The following TMEM177 variants were observed in gnomAD, a reference collection of about 807,000 sequenced individuals.
TMEM177 encodes the protein transmembrane protein 177.
A neutral mutation model predicts 14.2 loss-of-function variants in TMEM177; 4 were observed. The observed-to-expected ratio is 0.28, with a 90% CI of 0.14 to 0.64. The LOEUF (loss-of-function observed/expected upper bound fraction) is 0.64. TMEM177 is among the 30% of genes least tolerant of loss of function. The pLI is 0.82. For synonymous variants in TMEM177, 179 were observed against 174.5 expected (o/e 1.03, Z -0.20); for missense variants, 344 against 405.2 (o/e 0.85, Z 1.30).
At chr2:119,696,393 G>T in the TMEM177 span, among the ~76,000 whole-genome samples, 1 of 152,136 alleles carries the variant, frequency 6.6e-6, no homozygotes. Context: ...CGGTGTGGGG[G>T]CAGTGCTTCA....
chr2:119,693,433 G>A, the TMEM177 span, among the ~76,000 whole-genome samples: 1 of 152,226 alleles, frequency 6.6e-6, no homozygotes, highest in South Asian at 2.1e-4. Context: ...TCCTCCGAGA[G>A]GAAGATGCGG....
At chr2:119,694,656 A>G in the TMEM177 span, among the ~76,000 whole-genome samples, 2 of 152,342 alleles carry the variant, frequency 1.3e-5, no homozygotes, top group African/African-American at 4.8e-5. Flanking sequence ...TCATATGCGC[A>G]GGGTCACTTC....
At chr2:119,680,782 C>T in intron 1 of TMEM177, 50 bp from the exon 2 acceptor site, 2 of 1,464,662 alleles carry the variant, frequency 1.4e-6, no homozygotes, top group Non-Finnish European at 1.9e-6. Flanking sequence ...GATGTTCAGT[C>T]TGCAGGCTGA....
At chr2:119,711,216 GT>G in the TMEM177 span, among the ~76,000 whole-genome samples, 2 of 152,110 alleles carry the variant, frequency 1.3e-5, no homozygotes, top group Non-Finnish European at 2.9e-5. Context: ...GACCATAGGG[GT>G]TTTTTAATAC....
the TMEM177 span, among the ~76,000 whole-genome samples, chr2:119,701,488 G>A: frequency 1.3e-5 from 2 of 152,104 alleles, no homozygotes; most frequent in African/African-American, 2.4e-5. Flanking sequence ...CTAGGGGGTC[G>A]GGGGAGCCCA....
At chr2:119,722,159 T>C in the TMEM177 span, among the ~76,000 whole-genome samples, 2 of 152,092 alleles carry the variant, frequency 1.3e-5, no homozygotes, top group Non-Finnish European at 2.9e-5. Context: ...GTTGGGAGGA[T>C]TGTTTCAGGC....
At chr2:119,706,089 A>G in the TMEM177 span, among the ~76,000 whole-genome samples, 1 of 150,330 alleles carries the variant, frequency 6.7e-6, no homozygotes, top group East Asian at 1.9e-4. Flanking sequence ...CAGTGGCGCA[A>G]TCTTGCTCAG....
At chr2:119,701,230 T>A in the TMEM177 span, among the ~76,000 whole-genome samples, 1 of 152,264 alleles carries the variant, frequency 6.6e-6, no homozygotes, top group African/African-American at 2.4e-5. Context: ...TCCTGGCTTT[T>A]GTTTTCCAAG....
chr2:119,683,290 C>G (rs1377191526), downstream of TMEM177, among the ~76,000 whole-genome samples: 1 of 152,202 alleles, frequency 6.6e-6, no homozygotes, highest in Non-Finnish European at 1.5e-5. Flanking sequence ...TCCCCAGGCC[C>G]TGGTACCTAG....
At chr2:119,712,756 A>G in the TMEM177 span, among the ~76,000 whole-genome samples, 4 of 152,212 alleles carry the variant, frequency 2.6e-5, no homozygotes, top group African/African-American at 9.6e-5. Context: ...ATGCACCAGC[A>G]ATTCTAAACA....
At chr2:119,686,796 G>T (rs965644450), downstream of TMEM177, among the ~76,000 whole-genome samples, 1 of 149,892 alleles carries the variant, frequency 6.7e-6, no homozygotes, top group African/African-American at 2.5e-5. Context: ...TTGAACTTCT[G>T]TTCTCAAGAG....
chr2:119,683,316 G>A (rs945175736), downstream of TMEM177, among the ~76,000 whole-genome samples: 12 of 152,184 alleles, frequency 7.9e-5, no homozygotes, highest in African/African-American at 1.9e-4. Flanking sequence ...CACTGGGCAC[G>A]GGCTTGGAAT....
At chr2:119,695,808 G>T in the TMEM177 span, among the ~76,000 whole-genome samples, 2 of 152,234 alleles carry the variant, frequency 1.3e-5, no homozygotes, top group African/African-American at 4.8e-5. Flanking sequence ...TTACAGAGTT[G>T]ATGTGGTGTA....
chr2:119,682,518 G>A (rs776865908), downstream of TMEM177, among the ~76,000 whole-genome samples: 2 of 152,130 alleles, frequency 1.3e-5, no homozygotes, highest in Non-Finnish European at 2.9e-5. Flanking sequence ...CCTTAAGAGT[G>A]TTGTGTCAGT....
At chr2:119,706,021 T>TATATATTATATATTTTTA in the TMEM177 span, among the ~76,000 whole-genome samples, 3 of 71,984 alleles carry the variant, frequency 4.2e-5, no homozygotes, top group Non-Finnish European at 9.7e-5. Flanking sequence ...TTATATATAT[T>TATATATTATATATTTTTA]TATATATATA....
chr2:119,682,294 G>C (rs1688928869), downstream of TMEM177, among the ~76,000 whole-genome samples: 1 of 152,016 alleles, frequency 6.6e-6, no homozygotes, highest in Admixed American at 6.6e-5. Flanking sequence ...CCTCCTTCTT[G>C]GTCTTGAGTG....
chr2:119,714,719 G>A, the TMEM177 span, among the ~76,000 whole-genome samples: 3 of 152,234 alleles, frequency 2.0e-5, no homozygotes, highest in Admixed American at 6.5e-5. Context: ...TGTGCTGGGG[G>A]TCACTGCAAG....
chr2:119,718,796 A>T, the TMEM177 span, among the ~76,000 whole-genome samples: 6,895 of 152,254 alleles, frequency 0.045, 528 homozygotes, highest in African/African-American at 0.15. Flanking sequence ...ACCCTGTAAC[A>T]GGCTTTCGAG....
downstream of TMEM177, among the ~76,000 whole-genome samples, chr2:119,690,276 G>A (rs534607430): frequency 2.0e-5 from 3 of 152,090 alleles, no homozygotes; most frequent in African/African-American, 4.8e-5. Context: ...TGCTCCAGTC[G>A]TGTAGGACGT....
Sources: allele counts gnomAD v4.1 joint callset (sites outside exome capture counted in the v4.1 genomes callset), GRCh38; gene constraint gnomAD v4.1.1; transcripts MANE v1.5; gene names NCBI Gene and HGNC (gene_info 2026-07-23, HGNC 2026-07-21).